Variants in FAT3 observed in about 807,000 individuals in gnomAD.
FAT3 encodes the protein protocadherin Fat 3.
FAT3 carries 95 observed loss-of-function variants against 310.2 expected under a neutral mutation model. The observed-to-expected ratio is 0.31, with a 90% confidence interval of 0.26 to 0.36. The LOEUF (loss-of-function observed/expected upper bound fraction) is 0.36. FAT3 is among the 10% of genes least tolerant of loss of function. The pLI is 1.00. For missense variants in FAT3, 5,408 were observed against 5,715.6 expected (o/e 0.95, Z 1.74); for synonymous variants, 2,314 against 2,192.9 (o/e 1.06, Z -1.54).
At chr11:92,503,817 G>T (rs529590821) in intron 2 of FAT3, among the ~76,000 whole-genome samples, 315 of 152,028 alleles carry the variant, frequency 2.1e-3, no homozygotes, top group Non-Finnish European at 3.5e-3. Flanking sequence ...GTTTCATTTT[G>T]TTCTTGTGGT....
Position 92,805,167 on chromosome 11 carries a change from G to A in FAT3, c.8911G>A (p.Gly2971Arg), listed in dbSNP as rs2136198634. Residue 2971 changes from glycine (G) to arginine (R), a missense_variant, in exon 11 of 28, where the codon GGA becomes AGA. By Grantham distance (125) the Gly-to-Arg change is moderately radical. Transcript: ENST00000525166. ...TTTAACTGCAGGAGGAAACCCTCGA[G>A]GAAGGTTTGCTCTGGGCCTGGTGCA... is the stretch of plus-strand genomic sequence containing the variant. The part of the protein sequence containing the change: ...SYHITGGNPR[G>R]RFALGLVQSE... 2 of 1,609,988 alleles carry A rather than the reference G, an allele frequency of 1.2e-6. No homozygotes were observed. The highest frequency in any genetic ancestry group is 1.1e-5 in the South Asian group (1 of 90,670).
intron 2 of FAT3, among the ~76,000 whole-genome samples, chr11:92,358,272 C>G (rs1158389584): frequency 6.6e-6 from 1 of 152,170 alleles, no homozygotes; most frequent in Non-Finnish European, 1.5e-5. Flanking sequence ...TTAAAAACCT[C>G]TTTCCTATAA....
intron 1 of FAT3, among the ~76,000 whole-genome samples, chr11:92,288,153 G>A (rs760823039): frequency 1.2e-4 from 18 of 152,098 alleles, no homozygotes; most frequent in Non-Finnish European, 2.1e-4. Flanking sequence ...TAAAACAAAG[G>A]AGATTCTGCA....
intron 1 of FAT3, among the ~76,000 whole-genome samples, chr11:92,263,652 T>TAGAG (rs200857817): frequency 4.4e-4 from 67 of 151,146 alleles, no homozygotes; most frequent in African/African-American, 1.2e-3. Context: ...TATATATATA[T>TAGAG]ATAGAGAGAG....
intron 1 of FAT3, among the ~76,000 whole-genome samples, chr11:92,235,672 G>A (rs190764997): frequency 1.1e-3 from 162 of 152,276 alleles, no homozygotes; most frequent in African/African-American, 3.3e-3. Context: ...TTAAGACTGC[G>A]TTATGATTCT....
intron 16 of FAT3, 82 bp from the exon 17 acceptor site, chr11:92,837,581 C>CTGTA: frequency 6.5e-7 from 1 of 1,527,282 alleles, no homozygotes; most frequent in Non-Finnish European, 8.9e-7. Flanking sequence ...AAAGCACAGC[C>CTGTA]TGTAGCTCCA....
intron 13 of FAT3, among the ~76,000 whole-genome samples, chr11:92,822,652 C>T (rs757254437): frequency 1.3e-5 from 2 of 152,150 alleles, no homozygotes; most frequent in Admixed American, 1.3e-4. Flanking sequence ...CACTTTCCAC[C>T]CACGCATCCT....
chr11:92,876,735 A>G (rs1949544106), intron 22 of FAT3, among the ~76,000 whole-genome samples: 1 of 152,252 alleles, frequency 6.6e-6, no homozygotes, highest in Non-Finnish European at 1.5e-5. Flanking sequence ...ACCTATGAAC[A>G]CACAATCATT....
intron 1 of FAT3, among the ~76,000 whole-genome samples, chr11:92,343,498 A>T (rs909691576): frequency 2.0e-5 from 3 of 152,290 alleles, no homozygotes; most frequent in African/African-American, 4.8e-5. Context: ...GATATTTTTG[A>T]CTTGGCTGAC....
intron 2 of FAT3, among the ~76,000 whole-genome samples, chr11:92,430,348 C>T (rs949792918): frequency 2.0e-5 from 3 of 152,148 alleles, no homozygotes; most frequent in Non-Finnish European, 2.9e-5. Context: ...TCGTCAAACT[C>T]ATTCTCCACC....
chr11:92,488,675 G>T (rs2135227136), intron 2 of FAT3, among the ~76,000 whole-genome samples: 1 of 151,886 alleles, frequency 6.6e-6, no homozygotes, highest in East Asian at 1.9e-4. Context: ...GGCTCCTTTT[G>T]GATTAACTTC....
intron 1 of FAT3, among the ~76,000 whole-genome samples, chr11:92,292,412 A>G (rs1000609803): frequency 2.6e-5 from 4 of 152,052 alleles, no homozygotes; most frequent in Admixed American, 6.6e-5. Context: ...GTTGTTGAAC[A>G]TGACCATGGG....
intron 2 of FAT3, among the ~76,000 whole-genome samples, chr11:92,379,950 A>G (rs180978379): frequency 5.8e-4 from 89 of 152,214 alleles, no homozygotes; most frequent in African/African-American, 2.0e-3. Flanking sequence ...AAATCAACCT[A>G]AAGGGACTGG....
rs773412239 is a variant in FAT3 at position 92,626,905 on chromosome 11, A to C, written c.3608-70479A>C. 2.5e-4 allele frequency among the ~76,000 whole-genome samples: 38 copies of C among 152,290 alleles called. No individual in the cohort carries two copies. The Middle Eastern group carries it at 0.01, about 41-fold the overall frequency. ...GGAGCCCCCATCATTAATACTCTCCAACCCAGTAAGAGCCATTTGATATAA... is the reference window on the plus strand; with the variant it reads ...GGAGCCCCCATCATTAATACTCTCCCACCCAGTAAGAGCCATTTGATATAA... On this transcript the variant is annotated intron_variant, in intron 3 of 27. Transcript: ENST00000525166.
chr11:92,245,648 C>A (rs913052567), intron 1 of FAT3, among the ~76,000 whole-genome samples: 2 of 152,266 alleles, frequency 1.3e-5, no homozygotes, highest in South Asian at 2.1e-4. Context: ...GTGGGCCACA[C>A]TGTGTCTATT....
At position 92,831,969 on chromosome 11, in the gene FAT3, T is replaced by C. The variant is rs565935567; in HGVS notation, c.9829T>C (p.Ser3277Pro). 6.4e-7 allele frequency: 1 copy of C among 1,566,830 alleles called. No individual in the cohort carries two copies. The highest frequency in any genetic ancestry group is 2.4e-5 in the East Asian group (1 of 42,428). Residue 3277 changes from serine (S) to proline (P), a missense_variant, in exon 14 of 28, where the codon TCT becomes CCT. Around this residue, in one of 5 missense-constraint regions of FAT3, gnomAD observed 4,588 missense variants for 4,809.8 expected, o/e 0.95. Coordinates refer to ENST00000525166, the MANE Select transcript of FAT3 (RefSeq NM_001367949.2). ...TNAEITYLIRSGNEQGKFKIN... is the reference protein window; with the variant it reads ...TNAEITYLIRPGNEQGKFKIN... ...TGCTGAGATCACTTATCTCATCCGG[T>C]CTGGGAACGAACAAGGGAAATTTAA...
intron 2 of FAT3, among the ~76,000 whole-genome samples, chr11:92,481,776 T>C (rs1397726918): frequency 1.3e-5 from 2 of 152,240 alleles, no homozygotes; most frequent in Non-Finnish European, 2.9e-5. Context: ...ATTTGAGTTG[T>C]GTGGCCAGTG....
At chr11:92,230,994 T>C (rs561416962) in intron 1 of FAT3, among the ~76,000 whole-genome samples, 45 of 152,328 alleles carry the variant, frequency 3.0e-4, no homozygotes, top group African/African-American at 1.0e-3. Flanking sequence ...GAGCTCCTTT[T>C]TGGAAGAACG....
intron 4 of FAT3, among the ~76,000 whole-genome samples, chr11:92,705,534 T>G (rs1591629589): frequency 3.2e-5 from 2 of 61,612 alleles, no homozygotes; most frequent in Admixed American, 2.0e-4. Flanking sequence ...TTGGTGGTGG[T>G]GTGATGGTGT....
Sources: allele counts gnomAD v4.1 joint callset (sites outside exome capture counted in the v4.1 genomes callset), GRCh38; gene constraint gnomAD v4.1.1; regional missense constraint gnomAD v4.1.1; transcripts MANE v1.5; gene names NCBI Gene and HGNC (gene_info 2026-07-23, HGNC 2026-07-21).